The following ZNF185 variants were observed in gnomAD, a reference collection of about 807,000 sequenced individuals.
ZNF185 encodes the protein zinc finger protein 185.
Under a neutral mutation model 58.6 loss-of-function variants are expected in ZNF185, and 56 were observed. That is an observed-to-expected ratio of 0.95 (90% CI 0.77 to 1.19). The LOEUF is 1.19. ZNF185 is among the 50% of genes most tolerant of loss of function. The pLI is 0.00. For synonymous variants in ZNF185, 230 were observed against 215.9 expected (o/e 1.07, Z -0.57); for missense variants, 627 against 573.5 (o/e 1.09, Z -0.95).
chrX:152,920,615 G>T (rs1325608324), intron 8 of ZNF185, 92 bp from the exon 10 acceptor site: 1 of 1,106,491 alleles, frequency 9.0e-7, no homozygotes, highest in African/African-American at 1.8e-5. Flanking sequence ...GCCGGGAATG[G>T]AGAGGGCCCA....
At chrX:152,959,293 C>T (rs1683184861) in intron 16 of ZNF185, among the ~76,000 whole-genome samples, 1 of 111,736 alleles carries the variant, frequency 8.9e-6, no homozygotes, top group Admixed American at 9.4e-5. Flanking sequence ...TGAGCCTGGC[C>T]AGCGCACAGG....
chrX:152,909,904 C>CTTTTTTT (rs1223634856), upstream of ZNF185, among the ~76,000 whole-genome samples: 1 of 90,238 alleles, frequency 1.1e-5, no homozygotes, highest in Non-Finnish European at 2.1e-5. Flanking sequence ...GGCATCAACT[C>CTTTTTTT]TTTTTTTTTT....
At chrX:152,918,931 A>C in intron 6 of ZNF185, 52 bp from the exon 8 acceptor site, 1 of 991,962 alleles carries the variant, frequency 1.0e-6, no homozygotes, top group Non-Finnish European at 1.4e-6. Context: ...CAGGAAGCCA[A>C]GCTGCTGAGG....
intron 14 of ZNF185, among the ~76,000 whole-genome samples, chrX:152,936,797 T>C: frequency 9.1e-6 from 1 of 110,261 alleles, no homozygotes. Flanking sequence ...AGGCAGAGCC[T>C]GGGAAGAGAT....
chrX:152,938,103 C>G, exon 15 of ZNF185: 3 of 1,183,629 alleles, frequency 2.5e-6, no homozygotes, highest in Non-Finnish European at 3.4e-6. Context: ...TCTGCTGTCC[C>G]TGCTGATAGG....
At chrX:152,915,422 C>T (rs1476225176) in intron 3 of ZNF185, among the ~76,000 whole-genome samples, 14 of 112,989 alleles carry the variant, frequency 1.2e-4, no homozygotes. Flanking sequence ...TTGGTCCAGG[C>T]CCTTGGCCTG....
chrX:152,959,705 G>A (rs1556908359), exon 17 of ZNF185: 1 of 1,210,667 alleles, frequency 8.3e-7, no homozygotes, highest in Admixed American at 2.2e-5. Flanking sequence ...TCAGCGTGTT[G>A]ACTGATTTTG....
chrX:152,970,905 C>T (rs188697254), intron 22 of ZNF185, among the ~76,000 whole-genome samples: 1 of 111,599 alleles, frequency 9.0e-6, no homozygotes, highest in East Asian at 2.8e-4. Context: ...ATCAGGACCT[C>T]ACCCCAGGTC....
chrX:152,903,776 G>A, the ZNF185 span, among the ~76,000 whole-genome samples: 4 of 111,644 alleles, frequency 3.6e-5, no homozygotes, highest in African/African-American at 1.3e-4. Context: ...GAAAATGGGC[G>A]CATGAAAGCC....
At chrX:152,932,590 T>A (rs1556878326) in intron 13 of ZNF185, among the ~76,000 whole-genome samples, 1 of 112,206 alleles carries the variant, frequency 8.9e-6, no homozygotes, top group Non-Finnish European at 1.9e-5. Context: ...CAGACCCACA[T>A]GTCTTGCCCC....
At chrX:152,932,909 C>T (rs2045865884) in exon 14 of ZNF185, 29 of 1,204,814 alleles carry the variant, frequency 2.4e-5, no homozygotes, top group Non-Finnish European at 3.1e-5. Flanking sequence ...ATGTGGGATC[C>T]GGAGCCACGG....
At chrX:152,972,890 A>G (rs1556920775) in exon 23 of ZNF185, 1 of 112,103 alleles carries the variant, frequency 8.9e-6, no homozygotes, top group East Asian at 2.8e-4. Flanking sequence ...TGATTTAATT[A>G]TAAAATGTCT....
At chrX:152,905,250 A>G in the ZNF185 span, among the ~76,000 whole-genome samples, 2 of 112,545 alleles carry the variant, frequency 1.8e-5, no homozygotes, top group African/African-American at 6.5e-5. Flanking sequence ...CTGCTGCCCC[A>G]TCTGGCTCAG....
At chrX:152,938,039 C>G (rs1017264797) in intron 14 of ZNF185, 35 bp from the exon 17 acceptor site, 13 of 1,157,094 alleles carry the variant, frequency 1.1e-5, no homozygotes, top group Non-Finnish European at 1.5e-5. Context: ...CTTCTTTGGT[C>G]TGAGATCTCA....
chrX:152,904,373 C>T, the ZNF185 span, among the ~76,000 whole-genome samples: 3 of 112,694 alleles, frequency 2.7e-5, no homozygotes, highest in East Asian at 2.8e-4. Flanking sequence ...GCCGCTGCAG[C>T]GGTGCCTGTG....
chrX:152,960,038 G>A (rs1336612063), intron 17 of ZNF185, 142 bp downstream of exon 19: 1 of 541,732 alleles, frequency 1.8e-6, no homozygotes, highest in Non-Finnish European at 2.8e-6. Context: ...GAGGGAAGGA[G>A]AGAAACCAGC....
intron 15 of ZNF185, among the ~76,000 whole-genome samples, chrX:152,941,043 T>C (rs1477064345): frequency 8.9e-6 from 1 of 112,482 alleles, no homozygotes; most frequent in East Asian, 2.8e-4. Flanking sequence ...GTCCATTCAT[T>C]CAGCTGGGGA....
chrX:152,917,900 T>C, intron 5 of ZNF185, 165 bp from the exon 7 acceptor site: 1 of 1,090,282 alleles, frequency 9.2e-7, no homozygotes, highest in Non-Finnish European at 1.2e-6. Flanking sequence ...CCTACACAGC[T>C]GCTCTGAGTG....
At chrX:152,941,655 C>T (rs782051124) in intron 15 of ZNF185, 5 of 1,155,869 alleles carry the variant, frequency 4.3e-6, no homozygotes, top group African/African-American at 1.8e-5. Flanking sequence ...TTTCTTGAAG[C>T]CCCGAACTCG....
Sources: allele counts gnomAD v4.1 joint callset (sites outside exome capture counted in the v4.1 genomes callset), GRCh38; gene constraint gnomAD v4.1.1; transcripts MANE v1.5; gene names NCBI Gene and HGNC (gene_info 2026-07-23, HGNC 2026-07-21).